The following NR1D2 variants were observed in gnomAD, a reference collection of about 807,000 sequenced individuals.
The protein encoded by NR1D2 is nuclear receptor subfamily 1 group D member 2, also known as V-erbA-related protein 1-related.
A neutral mutation model predicts 52.2 loss-of-function variants in NR1D2; 25 were observed. The ratio of observed to expected loss-of-function variants is 0.48; its 90% CI spans 0.35 to 0.67. The LOEUF (loss-of-function observed/expected upper bound fraction) is 0.67, where lower values mean the gene tolerates loss of function less well. NR1D2 is among the 30% of genes least tolerant of loss of function. The pLI, the probability that NR1D2 is intolerant of heterozygous loss-of-function variation, is 0.01. For missense variants in NR1D2, 681 were observed against 707.2 expected (o/e 0.96, Z 0.42); for synonymous variants, 259 against 230.1 (o/e 1.13, Z -1.14).
rs1367866633 is a variant in NR1D2, at chr3:23,954,558, G to A, written c.38G>A (p.Ser13Asn). The A allele has an allele frequency of 1.2e-5, 20 of 1,614,050 alleles. No homozygotes were observed. Among genetic ancestry groups the A allele is most frequent in the Non-Finnish European group, 1.7e-5 (20 of 1,179,956 alleles). The change falls in exon 2 of 8, where the codon AGT becomes AAT. Residue 13 changes from serine to asparagine, a missense_variant. By Grantham distance (46) the Ser-to-Asn change is conservative. Transcript: ENST00000312521. ...VNAGGVIAYI[S>N]SSSSASSPAS... ...CTAGGAGGTGTGATTGCCTATATCA[G>A]TTCTTCCAGCTCAGCCTCAAGCCCT...
intron 7 of NR1D2, among the ~76,000 whole-genome samples, chr3:23,974,088 C>CTTTTTTTTTTTTTTTT (rs60587118): frequency 1.3e-5 from 1 of 79,508 alleles, no homozygotes; most frequent in East Asian, 3.9e-4. Context: ...TTACAGTTAC[C>CTTTTTTTTTTTTTTTT]TTTTTTTTTT....
intron 1 of NR1D2, among the ~76,000 whole-genome samples, chr3:23,950,265 A>T (rs979452019): frequency 6.6e-6 from 1 of 152,240 alleles, no homozygotes; most frequent in Non-Finnish European, 1.5e-5. Flanking sequence ...TTGCTTGCTC[A>T]GGTCTTCTCA....
Position 23,945,439 on chromosome 3 carries a change from A to C in NR1D2, c.-140A>C, listed in dbSNP as rs4858565. On this transcript the variant is annotated 5_prime_UTR_variant, in exon 1 of 8. Transcript: ENST00000312521. ...TGCGCTGCACGGCCTGGGGCCCGGG[A>C]GCCCCGCCCGCTCTGCCCATGAGGG... is the stretch of plus-strand genomic sequence containing the variant. 0.76 allele frequency: 215,072 copies of C among 282,824 alleles called. 83,535 individuals carry two copies. The highest frequency in any genetic ancestry group is 0.91 in the African/African-American group (39,813 of 43,934). 17.5% of individuals were successfully genotyped at this position (282,824 alleles called of 1,614,324 possible).
At chr3:23,973,008 A>C (rs551446942) in intron 7 of NR1D2, among the ~76,000 whole-genome samples, 6 of 152,196 alleles carry the variant, frequency 3.9e-5, no homozygotes, top group Non-Finnish European at 8.8e-5. Flanking sequence ...AAGACCAACA[A>C]CTTCAAACAT....
At position 23,962,272 on chromosome 3, in the gene NR1D2, G is replaced by A; in HGVS notation, c.813G>A (p.Gln271=). The A allele has an allele frequency of 6.2e-7, 1 of 1,614,220 alleles. No homozygotes were observed. The highest frequency in any genetic ancestry group is 8.5e-7 in the Non-Finnish European group (1 of 1,180,040). The change falls in exon 5 of 8, where the codon CAG becomes CAA. Residue 271 remains glutamine, a synonymous_variant. Coordinates refer to ENST00000312521, the MANE Select transcript of NR1D2 (RefSeq NM_005126.5). ...ATACCTTTATGTATAATCAAGAGCAGCAAGAAAACTCAGCTGAGAGCATGC... is the reference window on the plus strand; with the variant it reads ...ATACCTTTATGTATAATCAAGAGCAACAAGAAAACTCAGCTGAGAGCATGC... The part of the protein sequence containing the change: ...HKDTFMYNQE[Q]QENSAESMQP...
At chr3:23,965,905 A>T (rs1363486704) in intron 6 of NR1D2, among the ~76,000 whole-genome samples, 1 of 152,102 alleles carries the variant, frequency 6.6e-6, no homozygotes, top group East Asian at 1.9e-4. Context: ...TATTTTGGGG[A>T]TATATCAGAC....
At position 23,967,837 on chromosome 3, in the gene NR1D2, T is replaced by C; in HGVS notation, c.1357T>C (p.Leu453=). Residue 453 remains leucine, a synonymous_variant, in exon 7 of 8, where the codon TTA becomes CTA. Coordinates refer to ENST00000312521, the MANE Select transcript of NR1D2 (RefSeq NM_005126.5). ...GGTTTTAATGGTACGGTTCGCATCA[T>C]TATTTGATGCAAAGGAACGTACTGT... ...FEVLMVRFAS[L]FDAKERTVTF... is the part of the protein sequence containing the mutation. 6.2e-7 allele frequency: 1 copy of C among 1,613,714 alleles called. No individual in the cohort carries two copies. Among genetic ancestry groups the C allele is most frequent in the East Asian group, 2.2e-5 (1 of 44,876 alleles).
chr3:23,975,182 A>G (rs1354663931), intron 7 of NR1D2, among the ~76,000 whole-genome samples: 4 of 151,960 alleles, frequency 2.6e-5, no homozygotes, highest in Non-Finnish European at 4.4e-5. Flanking sequence ...GTGCAGTGGA[A>G]TGATCGTGGG....
At chr3:23,948,624 C>T (rs963183441) in intron 1 of NR1D2, among the ~76,000 whole-genome samples, 1 of 152,140 alleles carries the variant, frequency 6.6e-6, no homozygotes, top group Non-Finnish European at 1.5e-5. Context: ...AGGCCTTTTA[C>T]ATGTGTTCCT....
intron 3 of NR1D2, among the ~76,000 whole-genome samples, chr3:23,958,599 C>T (rs1706147414): frequency 1.4e-5 from 2 of 142,446 alleles, no homozygotes; most frequent in African/African-American, 5.3e-5. Context: ...ATTATTACGT[C>T]ATTGTACTCC....
intron 1 of NR1D2, among the ~76,000 whole-genome samples, chr3:23,951,080 T>A (rs952653442): frequency 7.2e-5 from 11 of 152,080 alleles, no homozygotes; most frequent in African/African-American, 2.7e-4. Flanking sequence ...TAATTTTGTA[T>A]TTTTAGTAGA....
rs975107840 is a variant in NR1D2 at position 23,949,379 on chromosome 3, CAA to C, written c.16+3790_16+3791del. Among the ~76,000 whole-genome samples, 5 of 151,582 alleles carry C rather than the reference CAA, an allele frequency of 3.3e-5. No individual in the cohort carries two copies. The East Asian group carries it at 9.7e-4, about 29-fold the overall frequency. ...AACTCCGTCTGAAAAAAAAAAACAA[CAA>C]AAAACACACCATTTATTTTTGTGTC... On this transcript the variant is annotated intron_variant, in intron 1 of 7. Coordinates refer to ENST00000312521, the MANE Select transcript of NR1D2 (RefSeq NM_005126.5).
In NR1D2 at chr3:23,979,168, T is replaced by C. The variant is rs1706813196; in HGVS notation, c.*1749T>C. The C allele has an allele frequency of 6.6e-6, 1 of 151,920 alleles. No individual in the cohort carries two copies. Among genetic ancestry groups the C allele is most frequent in the Admixed American group, 6.6e-5 (1 of 15,264 alleles). The allele number at this position is 151,920 out of a possible 1,614,324, so 9.4% of individuals were successfully genotyped here. On this transcript the variant is annotated 3_prime_UTR_variant, in exon 8 of 8. Coordinates refer to ENST00000312521, the MANE Select transcript of NR1D2 (RefSeq NM_005126.5). ...TTTACTGTGGCACTAGTTAAGTAAG[T>C]TAAAAAAAAGTTAAACCCTCTCATT...
In NR1D2 at chr3:23,978,871, G is replaced by T. The variant is rs1308190232; in HGVS notation, c.*1452G>T. 1 of 152,038 alleles carries T rather than the reference G, an allele frequency of 6.6e-6. No homozygotes were observed. The highest frequency in any genetic ancestry group is 1.5e-5 in the Non-Finnish European group (1 of 67,944). 9.4% of individuals were successfully genotyped at this position (152,038 alleles called of 1,614,324 possible). On this transcript the variant is annotated 3_prime_UTR_variant, in exon 8 of 8. Transcript: ENST00000312521. ...CATTTTATCCACATTTCTAATAGTG[G>T]ACTTGATTAAGTAGATAAGATCAGC...
Position 23,977,415 on chromosome 3 carries a change from C to T in NR1D2, c.1736C>T (p.Pro579Leu). The part of the protein sequence containing the change: ...SEELLAFKVH[P>L] ...GAGCTCTTGGCCTTTAAAGTTCACC[C>T]TTAAGGCCTTTGTTTATTTAAACAT... Residue 579 changes from proline (P) to leucine (L), a missense_variant, in exon 8 of 8, where the codon CCT becomes CTT. Around this residue, in one of 3 missense-constraint regions of NR1D2, gnomAD observed 475 missense variants for 454.5 expected, o/e 1.05. Coordinates refer to ENST00000312521, the MANE Select transcript of NR1D2 (RefSeq NM_005126.5). The T allele has an allele frequency of 6.3e-7, 1 of 1,579,310 alleles. No individual in the cohort carries two copies. Among genetic ancestry groups the T allele is most frequent in the Non-Finnish European group, 8.6e-7 (1 of 1,166,146 alleles).
chr3:23,959,614 A>G, intron 3 of NR1D2, 57 bp from the exon 4 acceptor site: 1 of 1,552,540 alleles, frequency 6.4e-7, no homozygotes. Context: ...AGCAGTGTTT[A>G]TAAGAAGTTC....
chr3:23,946,206 G>C (rs1320484500), intron 1 of NR1D2: 1 of 985,308 alleles, frequency 1.0e-6, no homozygotes, highest in Non-Finnish European at 1.2e-6. Flanking sequence ...TCCCCGAAGC[G>C]GGCGCTGACA....
intron 7 of NR1D2, among the ~76,000 whole-genome samples, chr3:23,968,372 C>T (rs1706505099): frequency 6.6e-6 from 1 of 152,076 alleles, no homozygotes; most frequent in Admixed American, 6.5e-5. Context: ...TTTCAGTTTC[C>T]ATTCAAATAC....
intron 7 of NR1D2, among the ~76,000 whole-genome samples, chr3:23,974,088 C>CT (rs60587118): frequency 0.028 from 2,247 of 79,418 alleles, 366 homozygotes; most frequent in African/African-American, 0.1. Flanking sequence ...TTACAGTTAC[C>CT]TTTTTTTTTT....
Sources: gnomAD v4.1 joint callset for allele counts (sites outside exome capture counted in the v4.1 genomes callset) on GRCh38, gnomAD v4.1.1 for gene constraint, gnomAD v4.1.1 regional missense constraint, MANE v1.5 for transcripts, NCBI Gene and HGNC (gene_info 2026-07-23, HGNC 2026-07-21) for gene names.